The following SCYL2 variants were observed in gnomAD, a reference collection of about 807,000 sequenced individuals.
The protein encoded by SCYL2 is SCY1 like pseudokinase 2, also known as SCY1-like protein 2.
SCYL2 carries 36 observed loss-of-function variants against 100.4 expected under a neutral mutation model. The ratio of observed to expected loss-of-function variants is 0.36; its 90% CI spans 0.27 to 0.47. The LOEUF is 0.47. SCYL2 is among the 20% of genes least tolerant of loss of function. The probability of loss-of-function intolerance (pLI) is 1.00; values close to 1 mark genes in which losing one functional copy is unlikely to be tolerated. For synonymous variants in SCYL2, 330 were observed against 359.2 expected (o/e 0.92, Z 0.92); for missense variants, 902 against 1,083.9 (o/e 0.83, Z 2.36).
chr12:100,271,666 T>C (rs1486715817), intron 1 of SCYL2, among the ~76,000 whole-genome samples: 1 of 152,240 alleles, frequency 6.6e-6, no homozygotes, highest in African/African-American at 2.4e-5. Context: ...TGAAAGTTAT[T>C]AAATGTAACT....
intron 13 of SCYL2, among the ~76,000 whole-genome samples, chr12:100,330,146 C>G (rs1175126810): frequency 6.6e-6 from 1 of 152,066 alleles, no homozygotes; most frequent in Non-Finnish European, 1.5e-5. Context: ...TTTTAAGAGT[C>G]TATATATCAC....
At chr12:100,338,452 T>A in intron 17 of SCYL2, 76 bp from the exon 18 acceptor site, 3 of 1,253,968 alleles carry the variant, frequency 2.4e-6, no homozygotes, top group Non-Finnish European at 3.3e-6. Context: ...CTTTATAATT[T>A]AATCTGTCAA....
rs76187212 is a variant in SCYL2, at chr12:100,323,946, G to A, written c.1509+308G>A. ...TTTGTTGTTAGTTTAAAAATATTAT[G>A]AGAGTTTAACTTGGTATCTAAGCGT... On this transcript the variant is annotated intron_variant, in intron 11 of 17. Coordinates refer to ENST00000360820, the MANE Select transcript of SCYL2 (RefSeq NM_017988.6). 382 of 172,190 alleles carry A rather than the reference G, an allele frequency of 2.2e-3. 4 individuals are homozygous for A. In the East Asian group the frequency reaches 0.037, roughly 17 times the overall value. 10.7% of individuals were successfully genotyped at this position (172,190 alleles called of 1,614,324 possible).
intron 1 of SCYL2, among the ~76,000 whole-genome samples, chr12:100,276,654 A>G (rs556417395): frequency 2.0e-5 from 3 of 152,252 alleles, no homozygotes; most frequent in South Asian, 4.1e-4. Context: ...TTCTTGATCA[A>G]TATAGCTAGA....
chr12:100,304,136 T>G (rs776568295), intron 4 of SCYL2, among the ~76,000 whole-genome samples: 4 of 152,174 alleles, frequency 2.6e-5, no homozygotes, highest in Non-Finnish European at 5.9e-5. Context: ...CAGGTTGATT[T>G]CAGACTGCTG....
At chr12:100,307,797 A>G (rs1183130552) in intron 4 of SCYL2, among the ~76,000 whole-genome samples, 3 of 152,240 alleles carry the variant, frequency 2.0e-5, no homozygotes, top group African/African-American at 7.2e-5. Context: ...CAAATTTACA[A>G]GAAAAAACAA....
intron 9 of SCYL2, among the ~76,000 whole-genome samples, chr12:100,317,127 T>C (rs2096349820): frequency 6.6e-6 from 1 of 152,062 alleles, no homozygotes. Context: ...AAAAATTTCT[T>C]CCGAATATTC....
intron 1 of SCYL2, among the ~76,000 whole-genome samples, chr12:100,274,195 A>G (rs1785413579): frequency 6.6e-6 from 1 of 152,254 alleles, no homozygotes; most frequent in Non-Finnish European, 1.5e-5. Flanking sequence ...TTAATAGAGA[A>G]AACAGGATAC....
At chr12:100,336,273 T>C (rs1367188331) in intron 16 of SCYL2, among the ~76,000 whole-genome samples, 1 of 152,160 alleles carries the variant, frequency 6.6e-6, no homozygotes, top group Non-Finnish European at 1.5e-5. Flanking sequence ...TATCCTAGGC[T>C]GTCTCTGATT....
At chr12:100,294,719 C>A (rs1481611672) in intron 3 of SCYL2, among the ~76,000 whole-genome samples, 1 of 129,672 alleles carries the variant, frequency 7.7e-6, no homozygotes, top group Admixed American at 7.3e-5. Context: ...ACCTCCCTCC[C>A]GGACGGGGTG....
Position 100,300,043 on chromosome 12 carries a change from A to T in SCYL2, c.480+1868A>T, listed in dbSNP as rs76229235. Among the ~76,000 whole-genome samples the T allele has an allele frequency of 6.6e-3, 998 of 152,266 alleles. 24 individuals are homozygous for T. Among genetic ancestry groups the T allele is most frequent in the East Asian group, 0.03 (158 of 5,190 alleles). ...ATCTGCTATCTTTGGTCTCTTTGGT[A>T]TCAGTCATTCTAACAGGTGTGCAGT... On this transcript the variant is annotated intron_variant, in intron 4 of 17. Coordinates refer to ENST00000360820, the MANE Select transcript of SCYL2 (RefSeq NM_017988.6).
At chr12:100,327,122 G>T in intron 12 of SCYL2, 1 of 329,404 alleles carries the variant, frequency 3.0e-6, no homozygotes, top group Non-Finnish European at 6.1e-6. Context: ...TTTTCTCTGC[G>T]TTATGTTATT....
Position 100,323,535 on chromosome 12 carries a change from TA to T in SCYL2, c.1409del (p.Asn470ThrfsTer10). On this transcript the variant is annotated frameshift_variant, in exon 11 of 18. Coordinates refer to ENST00000360820, the MANE Select transcript of SCYL2 (RefSeq NM_017988.6). LOFTEE classifies it high-confidence loss of function. ...APSIQIQELC[L>X]NIIPTFANLI... is the part of the protein sequence containing the mutation. ...TTATTTTCTTTATAGGAGCTCTGTC[TA>T]AACATCATTCCAACCTTTGCAAATC... The T allele has an allele frequency of 6.3e-7, 1 of 1,574,814 alleles. No homozygotes were observed. The highest frequency in any genetic ancestry group is 8.7e-7 in the Non-Finnish European group (1 of 1,149,222).
chr12:100,273,149 CT>C (rs1177366365), intron 1 of SCYL2, among the ~76,000 whole-genome samples: 1 of 152,042 alleles, frequency 6.6e-6, no homozygotes, highest in Non-Finnish European at 1.5e-5. Flanking sequence ...GCTTCCATAG[CT>C]TGATTTCTTA....
chr12:100,295,631 T>C (rs1281816590), intron 3 of SCYL2, among the ~76,000 whole-genome samples: 2 of 151,912 alleles, frequency 1.3e-5, no homozygotes, highest in African/African-American at 2.4e-5. Flanking sequence ...GAGGTTGCAG[T>C]GAGCCGAGAT....
intron 10 of SCYL2, among the ~76,000 whole-genome samples, chr12:100,320,993 A>G (rs903438283): frequency 5.9e-5 from 9 of 152,164 alleles, no homozygotes; most frequent in Admixed American, 1.3e-4. Flanking sequence ...CAGTGGCACA[A>G]TCTTAGCTCA....
Position 100,311,210 on chromosome 12 carries a change from T to C in SCYL2, c.630+17T>C. ...GAACAAGAGGTAATGAAAGTTTTAGTCTTCTAATTTTTGAGGCCAGGGAAA... is the reference window on the plus strand; with the variant it reads ...GAACAAGAGGTAATGAAAGTTTTAGCCTTCTAATTTTTGAGGCCAGGGAAA... On this transcript the variant is annotated intron_variant, in intron 5 of 17. Transcript: ENST00000360820. The C allele has an allele frequency of 1.3e-6, 2 of 1,577,116 alleles. No individual in the cohort carries two copies. Among genetic ancestry groups the C allele is most frequent in the South Asian group, 2.4e-5 (2 of 83,856 alleles).
At chr12:100,299,016 GC>G (rs1171092416) in intron 4 of SCYL2, among the ~76,000 whole-genome samples, 1 of 152,128 alleles carries the variant, frequency 6.6e-6, no homozygotes, top group East Asian at 1.9e-4. Flanking sequence ...GATCACTTGA[GC>G]TCAGGAGTTT....
chr12:100,286,468 T>C (rs2096304551), intron 2 of SCYL2, among the ~76,000 whole-genome samples: 1 of 152,102 alleles, frequency 6.6e-6, no homozygotes, highest in Non-Finnish European at 1.5e-5. Flanking sequence ...CCTTTTTTCT[T>C]GAAAAAAAGA....
Sources: gnomAD v4.1 joint callset for allele counts (sites outside exome capture counted in the v4.1 genomes callset) on GRCh38, gnomAD v4.1.1 for gene constraint, MANE v1.5 for transcripts, NCBI Gene and HGNC (gene_info 2026-07-23, HGNC 2026-07-21) for gene names.